MAP3K1: variants seen among roughly 807,000 people sequenced by gnomAD.
MAP3K1 encodes MAP/ERK kinase kinase 1.
Under a neutral mutation model 144.2 loss-of-function variants are expected in MAP3K1, and 36 were observed. The observed-to-expected ratio is 0.25, with a 90% confidence interval of 0.19 to 0.33. The LOEUF is 0.33. Ranked by LOEUF, MAP3K1 falls within the 10% of genes least tolerant of loss-of-function variation. MAP3K1 has a pLI of 1.00. For synonymous variants in MAP3K1, 718 were observed against 688.7 expected, an observed-to-expected ratio of 1.04 and a Z score of -0.67; for missense variants, 1,650 against 1,881.9, an observed-to-expected ratio of 0.88 and a Z score of 2.28.
chr5:56,817,188 C>A (rs1394972406), intron 1 of MAP3K1: 6 of 695,090 alleles, frequency 8.6e-6, no homozygotes, highest in Non-Finnish European at 1.1e-5. Context: ...AAAGGAAATT[C>A]TTTTAAGTGT....
rs2111932579 is a variant in MAP3K1, at chr5:56,879,070, A to G, written c.2056A>G (p.Thr686Ala). The G allele has an allele frequency of 6.2e-7, 1 of 1,613,978 alleles. No homozygotes were observed. Among genetic ancestry groups the G allele is most frequent in the Non-Finnish European group, 8.5e-7 (1 of 1,179,868 alleles). The change falls in exon 11 of 20, where the codon ACC becomes GCC. Residue 686 changes from threonine to alanine, a missense_variant. Transcript: ENST00000399503. ...LQRLLQPVVD[T>A]ILVKCADANS... ...GAGACTTCTCCAGCCAGTTGTAGAC[A>G]CCATCCTAGTCAAATGTGCAGATGC... is the stretch of plus-strand genomic sequence containing the variant.
In MAP3K1 at chr5:56,895,841, G is replaced by T. The variant is rs986909027; in HGVS notation, c.*2161G>T. The T allele has an allele frequency of 1.7e-5, 4 of 230,918 alleles. No homozygotes were observed. Among genetic ancestry groups the T allele is most frequent in the African/African-American group, 8.9e-5 (4 of 45,046 alleles). 14.3% of individuals were successfully genotyped at this position (230,918 alleles called of 1,614,324 possible). On this transcript the variant is annotated 3_prime_UTR_variant, in exon 20 of 20. Coordinates refer to ENST00000399503, the MANE Select transcript of MAP3K1 (RefSeq NM_005921.2). ...TTTATTCCAGTTTCTACTACCTCAG[G>T]TGTCCTATAGATTTTTCTTCTACCA...
At chr5:56,861,606 C>G (rs1561186341) in intron 3 of MAP3K1, among the ~76,000 whole-genome samples, 1 of 144,784 alleles carries the variant, frequency 6.9e-6, no homozygotes, top group Non-Finnish European at 1.5e-5. Flanking sequence ...TATTAAAATA[C>G]TCCTTCCTTT....
rs750051049 is a variant in MAP3K1 at position 56,882,463 on chromosome 5, G to A, written c.3263G>A (p.Ser1088Asn). The change falls in exon 14 of 20, where the codon AGT becomes AAT. Residue 1088 changes from serine to asparagine, a missense_variant. Ser to Asn is a conservative substitution (Grantham distance 46). This residue lies in a region of MAP3K1 where 841 missense variants were observed against 886.5 expected (regional missense o/e 0.95). Coordinates refer to ENST00000399503, the MANE Select transcript of MAP3K1 (RefSeq NM_005921.2). ...KNSMTLDLNS[S>N]SKCDDSFGCS... Reference sequence around the variant, plus strand: ...AGCATGACACTTGATCTGAACAGTAGTTCCAAATGTGATGACAGCTTTGGC... The same window carrying A: ...AGCATGACACTTGATCTGAACAGTAATTCCAAATGTGATGACAGCTTTGGC... The A allele has an allele frequency of 1.2e-6, 2 of 1,614,144 alleles. No homozygotes were observed. Among genetic ancestry groups the A allele is most frequent in the Non-Finnish European group, 1.7e-6 (2 of 1,180,020 alleles).
intron 1 of MAP3K1, among the ~76,000 whole-genome samples, chr5:56,829,239 T>C (rs1363318640): frequency 1.3e-5 from 2 of 151,780 alleles, no homozygotes; most frequent in African/African-American, 4.8e-5. Flanking sequence ...TGAAGTGCAG[T>C]GACATGATCA....
intron 1 of MAP3K1, among the ~76,000 whole-genome samples, chr5:56,826,295 T>A (rs1351535322): frequency 6.6e-6 from 1 of 152,262 alleles, no homozygotes; most frequent in African/African-American, 2.4e-5. Flanking sequence ...TGCCGAGCTC[T>A]GGTTTAACAA....
intron 1 of MAP3K1, among the ~76,000 whole-genome samples, chr5:56,832,915 A>G (rs1746540290): frequency 6.6e-6 from 1 of 152,262 alleles, no homozygotes; most frequent in South Asian, 2.1e-4. Flanking sequence ...CTCTGTCACC[A>G]GGCTGGAGTG....
At chr5:56,869,384 T>C (rs1747782766) in intron 6 of MAP3K1, among the ~76,000 whole-genome samples, 2 of 152,278 alleles carry the variant, frequency 1.3e-5, no homozygotes, top group East Asian at 1.9e-4. Context: ...TGGAGACACA[T>C]AGTGGTGATG....
At position 56,881,237 on chromosome 5, in the gene MAP3K1, T is replaced by C. The variant is rs369919082; in HGVS notation, c.2334T>C (p.Ser778=). The C allele has an allele frequency of 6.6e-5, 107 of 1,613,628 alleles. No homozygotes were observed. Among genetic ancestry groups the C allele is most frequent in the Non-Finnish European group, 8.6e-5 (101 of 1,179,904 alleles). ...FPAEFYPHIV[S]TDVSQAEPVE... is the part of the protein sequence containing the mutation. ...CTGAATTTTATCCTCATATTGTCAG[T>C]ACTGATGTTTCACAAGCTGAGCCTG... Residue 778 remains serine (S), a synonymous_variant, in exon 13 of 20, where the codon AGT becomes AGC. Transcript: ENST00000399503.
intron 1 of MAP3K1, among the ~76,000 whole-genome samples, chr5:56,828,429 T>C (rs1005245863): frequency 6.6e-6 from 1 of 152,206 alleles, no homozygotes; most frequent in African/African-American, 2.4e-5. Flanking sequence ...TGGCTAAATT[T>C]AGCTGTAATT....
chr5:56,823,385 A>G (rs1244699283), intron 1 of MAP3K1, among the ~76,000 whole-genome samples: 1 of 152,178 alleles, frequency 6.6e-6, no homozygotes, highest in Non-Finnish European at 1.5e-5. Flanking sequence ...ATCTTAACTC[A>G]TTGACACTTC....
In MAP3K1 at chr5:56,882,445, C is replaced by T. The variant is rs2111946609; in HGVS notation, c.3245C>T (p.Thr1082Ile). 1.2e-6 allele frequency: 2 copies of T among 1,614,188 alleles called. No homozygotes were observed. The highest frequency in any genetic ancestry group is 1.7e-6 in the Non-Finnish European group (2 of 1,180,042). ...GGAGATCCCTCAAAAAATAGCATGA[C>T]ACTTGATCTGAACAGTAGTTCCAAA... is the stretch of plus-strand genomic sequence containing the variant. ...KQGDPSKNSM[T>I]LDLNSSSKCD... The change falls in exon 14 of 20, where the codon ACA becomes ATA. Residue 1082 changes from threonine to isoleucine, a missense_variant. Transcript: ENST00000399503.
chr5:56,850,913 T>C (rs1747150117), intron 1 of MAP3K1, among the ~76,000 whole-genome samples: 1 of 152,212 alleles, frequency 6.6e-6, no homozygotes, highest in South Asian at 2.1e-4. Context: ...AATAAATAAC[T>C]TAAAAATTAC....
chr5:56,864,442 A>G (rs1446665727), intron 3 of MAP3K1, among the ~76,000 whole-genome samples: 1 of 149,880 alleles, frequency 6.7e-6, no homozygotes, highest in African/African-American at 2.5e-5. Context: ...CAGTGGCACA[A>G]TCTCGGCTTA....
chr5:56,893,402 C>T lies in MAP3K1; in HGVS notation c.4390-129C>T, dbSNP rs1748607060. ...CATAGACTTTTTGATAGCAGAAAAT[C>T]CTCCCACTTCTGCTTCAGTTCCTCT... On this transcript the variant is annotated intron_variant, in intron 19 of 19. Transcript: ENST00000399503. 1.6e-5 allele frequency: 15 copies of T among 944,116 alleles called. No individual in the cohort carries two copies. In the South Asian group the frequency reaches 2.0e-4, roughly 12 times the overall value. The allele number at this position is 944,116 out of a possible 1,614,324, so 58.5% of individuals were successfully genotyped here.
At chr5:56,853,129 T>TA (rs1747227380) in intron 1 of MAP3K1, among the ~76,000 whole-genome samples, 1 of 152,224 alleles carries the variant, frequency 6.6e-6, no homozygotes, top group Admixed American at 6.5e-5. Flanking sequence ...CCAGTGGTTG[T>TA]AAGTTGTACC....
At chr5:56,874,931 G>A (rs149459371) in intron 9 of MAP3K1, 101 bp from the exon 10 acceptor site, 19,765 of 1,189,048 alleles carry the variant, frequency 0.017, 212 homozygotes, top group Non-Finnish European at 0.021. Context: ...TTTCAGAAAT[G>A]TCCAGTTTTT....
intron 1 of MAP3K1, among the ~76,000 whole-genome samples, chr5:56,827,259 A>T (rs1311168612): frequency 6.6e-6 from 1 of 152,150 alleles, no homozygotes; most frequent in South Asian, 2.1e-4. Flanking sequence ...TATTGCCCCC[A>T]CTGGCCAATC....
chr5:56,849,062 T>G (rs1320042550), intron 1 of MAP3K1, among the ~76,000 whole-genome samples: 2 of 152,140 alleles, frequency 1.3e-5, no homozygotes, highest in Admixed American at 6.5e-5. Flanking sequence ...TAAAACTGAT[T>G]TCAACCGGGT....
Sources: gnomAD v4.1 joint callset for allele counts (sites outside exome capture counted in the v4.1 genomes callset) on GRCh38, gnomAD v4.1.1 for gene constraint, gnomAD v4.1.1 regional missense constraint, MANE v1.5 for transcripts, NCBI Gene and HGNC (gene_info 2026-07-23, HGNC 2026-07-21) for gene names.